The following CDYL variants were observed in gnomAD, a reference collection of about 807,000 sequenced individuals.
CDYL encodes the protein chromodomain Y-like protein.
A neutral mutation model predicts 47.3 loss-of-function variants in CDYL; 8 were observed. The ratio of observed to expected loss-of-function variants is 0.17; its 90% CI spans 0.10 to 0.31. The LOEUF (loss-of-function observed/expected upper bound fraction) is 0.31, where lower values mean the gene tolerates loss of function less well. Ranked by LOEUF, CDYL falls within the 10% of genes least tolerant of loss-of-function variation. CDYL has a pLI of 1.00. For missense variants in CDYL, 471 were observed against 701.4 expected (o/e 0.67, Z 3.71); for synonymous variants, 266 against 265.0 (o/e 1.00, Z -0.04).
intron 5 of CDYL, among the ~76,000 whole-genome samples, chr6:4,946,159 CCCTGGGTGG>C (rs1758510561): frequency 6.6e-6 from 1 of 152,080 alleles, no homozygotes; most frequent in Non-Finnish European, 1.5e-5. Context: ...CTCTGGCCAG[CCCTGGGTGG>C]CCAGCGACCA....
chr6:4,758,773 CATATTTTTCGATGT>C (rs1758119113), intron 3 of CDYL, among the ~76,000 whole-genome samples: 3 of 152,008 alleles, frequency 2.0e-5, no homozygotes, highest in Admixed American at 2.0e-4. Flanking sequence ...GTTCCTGCTA[CATATTTTTCGATGT>C]ATATTTTTGT....
chr6:4,897,790 G>GTTTTGTTGTT (rs75519192), intron 2 of CDYL, among the ~76,000 whole-genome samples: 4 of 140,220 alleles, frequency 2.9e-5, no homozygotes, highest in South Asian at 2.2e-4. Context: ...GAAGGTTTTT[G>GTTTTGTTGTT]TTTTTTTTTT....
At chr6:4,889,026 G>A (rs566011134) in intron 1 of CDYL, among the ~76,000 whole-genome samples, 20 of 152,258 alleles carry the variant, frequency 1.3e-4, no homozygotes, top group African/African-American at 4.8e-4. Context: ...TATCCTGTGT[G>A]TGCTTGAGAA....
intron 2 of CDYL, among the ~76,000 whole-genome samples, chr6:4,729,090 G>T (rs1014294633): frequency 1.3e-5 from 2 of 152,128 alleles, no homozygotes; most frequent in Non-Finnish European, 2.9e-5. Flanking sequence ...ACTCAGCCCA[G>T]TGTGGTAGTC....
chr6:4,796,611 A>G (rs1399672441), intron 1 of CDYL, among the ~76,000 whole-genome samples: 2 of 152,190 alleles, frequency 1.3e-5, no homozygotes, highest in Non-Finnish European at 2.9e-5. Flanking sequence ...CGTTTATTGT[A>G]TTAAGGTGTA....
At chr6:4,717,670 A>G (rs1445690311) in intron 2 of CDYL, among the ~76,000 whole-genome samples, 2 of 127,164 alleles carry the variant, frequency 1.6e-5, no homozygotes, top group African/African-American at 5.7e-5. Context: ...AGGTCATTGC[A>G]CTGAAGCTTA....
intron 3 of CDYL, among the ~76,000 whole-genome samples, chr6:4,762,645 CAAAAAAAAAAAAA>C (rs1173404314): frequency 7.6e-5 from 3 of 39,624 alleles, no homozygotes; most frequent in Non-Finnish European, 1.6e-4. Flanking sequence ...TAAAGGGTAC[CAAAAAAAAAAAAA>C]AAAAAAAAAA....
At chr6:4,883,363 C>A (rs1761815057) in intron 1 of CDYL, among the ~76,000 whole-genome samples, 1 of 152,128 alleles carries the variant, frequency 6.6e-6, no homozygotes, top group Non-Finnish European at 1.5e-5. Flanking sequence ...GTGAAGCTTT[C>A]AGATCTGCCA....
intron 2 of CDYL, among the ~76,000 whole-genome samples, chr6:4,897,765 A>AAAC (rs1261681681): frequency 1.6e-5 from 2 of 128,140 alleles, no homozygotes; most frequent in Non-Finnish European, 3.3e-5. Context: ...AAAAATAACT[A>AAAC]TTTTCCTAGG....
intron 2 of CDYL, among the ~76,000 whole-genome samples, chr6:4,893,366 C>T (rs762125335): frequency 1.6e-4 from 25 of 152,194 alleles, no homozygotes; most frequent in Non-Finnish European, 3.2e-4. Flanking sequence ...ACCTGGCCCT[C>T]TCCTCTCTCT....
chr6:4,735,638 C>T (rs1205831076), intron 3 of CDYL, among the ~76,000 whole-genome samples: 29 of 151,520 alleles, frequency 1.9e-4, no homozygotes, highest in East Asian at 3.9e-4. Context: ...TGGTGGTGCA[C>T]ACCTGTAATC....
intron 1 of CDYL, among the ~76,000 whole-genome samples, chr6:4,830,920 A>G (rs1760123991): frequency 1.3e-5 from 2 of 152,236 alleles, no homozygotes. Context: ...ATGTCCCTAC[A>G]AAGGACCTGA....
chr6:4,796,244 T>G (rs1398915123), intron 1 of CDYL, among the ~76,000 whole-genome samples: 1 of 152,132 alleles, frequency 6.6e-6, no homozygotes, highest in Non-Finnish European at 1.5e-5. Context: ...ACTTATTTTT[T>G]GAGTAGGATA....
At chr6:4,803,190 A>G (rs1014397800) in intron 1 of CDYL, among the ~76,000 whole-genome samples, 14 of 152,088 alleles carry the variant, frequency 9.2e-5, no homozygotes, top group African/African-American at 3.4e-4. Context: ...TTTGGCTGCT[A>G]TTCTCAGCTG....
intron 3 of CDYL, chr6:4,734,849 G>A: frequency 6.2e-7 from 1 of 1,613,966 alleles, no homozygotes; most frequent in Non-Finnish European, 8.5e-7. Flanking sequence ...TTACAGGTAG[G>A]TCTTGGTTTC....
chr6:4,858,464 C>G (rs1208076153), intron 1 of CDYL, among the ~76,000 whole-genome samples: 1 of 152,202 alleles, frequency 6.6e-6, no homozygotes, highest in African/African-American at 2.4e-5. Context: ...CTGCTATTGT[C>G]CAGCCGTCCA....
intron 1 of CDYL, among the ~76,000 whole-genome samples, chr6:4,855,479 A>G (rs1285405628): frequency 1.3e-5 from 2 of 152,116 alleles, no homozygotes; most frequent in Non-Finnish European, 2.9e-5. Flanking sequence ...TTTTTAACCT[A>G]TTTAAGCCCA....
At chr6:4,912,208 C>CCTTTCA (rs1757434492) in intron 2 of CDYL, among the ~76,000 whole-genome samples, 1 of 145,676 alleles carries the variant, frequency 6.9e-6, no homozygotes, top group Non-Finnish European at 1.5e-5. Context: ...GATACGTGGT[C>CCTTTCA]CTTTCACCTG....
At chr6:4,741,517 A>G (rs974280975) in intron 3 of CDYL, among the ~76,000 whole-genome samples, 5 of 152,206 alleles carry the variant, frequency 3.3e-5, no homozygotes, top group Non-Finnish European at 7.3e-5. Flanking sequence ...TCATCCTCAT[A>G]GTTCCAGATG....
Sources: allele counts gnomAD v4.1 joint callset (sites outside exome capture counted in the v4.1 genomes callset), GRCh38; gene constraint gnomAD v4.1.1; transcripts MANE v1.5; gene names NCBI Gene and HGNC (gene_info 2026-07-23, HGNC 2026-07-21).